Variants in PCDHGA6 observed in about 807,000 individuals in gnomAD.
PCDHGA6 encodes protocadherin gamma subfamily A, 6.
Under a neutral mutation model 60.6 loss-of-function variants are expected in PCDHGA6, and 41 were observed. The observed-to-expected ratio is 0.68, with a 90% CI of 0.53 to 0.88. The LOEUF (loss-of-function observed/expected upper bound fraction) is 0.88, where lower values mean the gene tolerates loss of function less well. PCDHGA6 is among the 40% of genes least tolerant of loss of function. The pLI, the probability that PCDHGA6 is intolerant of heterozygous loss-of-function variation, is 0.00. For synonymous variants in PCDHGA6, 594 were observed against 524.4 expected (o/e 1.13, Z -1.81); for missense variants, 1,312 against 1,203.0 (o/e 1.09, Z -1.34).
chr5:141,449,165 G>A (rs144669334), intron 1 of PCDHGA6, among the ~76,000 whole-genome samples: 3 of 152,234 alleles, frequency 2.0e-5, no homozygotes, highest in Admixed American at 1.3e-4. Context: ...GGAAATAGGT[G>A]TAATTTTCTT....
At chr5:141,450,817 A>T (rs1302552522) in intron 1 of PCDHGA6, among the ~76,000 whole-genome samples, 1 of 137,468 alleles carries the variant, frequency 7.3e-6, no homozygotes, top group Non-Finnish European at 1.5e-5. Context: ...TTTATTTAAT[A>T]TTATTATTAT....
intron 1 of PCDHGA6, chr5:141,415,493 T>C (rs1312874620): frequency 6.2e-7 from 1 of 1,614,108 alleles, no homozygotes; most frequent in Non-Finnish European, 8.5e-7. Context: ...AGTCACCTGA[T>C]CTTCCCCCAG....
At chr5:141,418,899 T>C (rs1320380997) in intron 1 of PCDHGA6, 1 of 1,613,944 alleles carries the variant, frequency 6.2e-7, no homozygotes. Flanking sequence ...AGCCCAGAAA[T>C]AATCATCACG....
At chr5:141,405,649 T>C (rs954605890) in intron 1 of PCDHGA6, 14 of 527,576 alleles carry the variant, frequency 2.7e-5, no homozygotes, top group Non-Finnish European at 6.7e-6. Flanking sequence ...TAATTTTTTG[T>C]GTGTTTTTAG....
intron 1 of PCDHGA6, among the ~76,000 whole-genome samples, chr5:141,492,670 C>T (rs567661944): frequency 6.6e-6 from 1 of 152,344 alleles, no homozygotes; most frequent in South Asian, 2.1e-4. Context: ...CCCGGGACTC[C>T]GTCTCAAGGG....
intron 1 of PCDHGA6, chr5:141,397,962 A>G (rs968992832): frequency 2.0e-5 from 21 of 1,036,912 alleles, no homozygotes; most frequent in Non-Finnish European, 2.8e-5. Flanking sequence ...CCCAGCTCAG[A>G]CTCCCCAGCG....
Position 141,395,079 on chromosome 5 carries a change from G to A in PCDHGA6, c.2424+18572G>A, listed in dbSNP as rs777930721. On this transcript the variant is annotated intron_variant, in intron 1 of 3. Coordinates refer to ENST00000517434, the MANE Select transcript of PCDHGA6 (RefSeq NM_018919.3). ...GGCTTTCCTGCAGACCTATTCCCAG[G>A]AAGTCTCCCTCACCGCCGACTCGCG... 4.0e-5 allele frequency: 65 copies of A among 1,614,024 alleles called. 1 individual carries two copies. In the Middle Eastern group the frequency reaches 6.6e-4, roughly 16 times the overall value.
chr5:141,427,883 C>G (rs2097084423), intron 1 of PCDHGA6: 3 of 1,563,818 alleles, frequency 1.9e-6, no homozygotes, highest in Non-Finnish European at 1.7e-6. Flanking sequence ...TGCAGGCCCA[C>G]GACCAGGGCT....
At chr5:141,433,208 C>T (rs780155661) in intron 1 of PCDHGA6, 90 of 1,293,816 alleles carry the variant, frequency 7.0e-5, no homozygotes, top group Middle Eastern at 5.9e-4. Flanking sequence ...AATCTTCTTT[C>T]TTTTTTTTTT....
intron 1 of PCDHGA6, chr5:141,420,156 AT>A (rs755916873): frequency 6.2e-7 from 1 of 1,613,990 alleles, no homozygotes; most frequent in African/African-American, 1.3e-5. Flanking sequence ...CCAGAATTTA[AT>A]TTTTTCACAT....
intron 1 of PCDHGA6, chr5:141,377,510 T>C (rs990813838): frequency 6.6e-6 from 1 of 152,006 alleles, no homozygotes; most frequent in African/African-American, 2.4e-5. Context: ...ATAGGAGGAT[T>C]GCTTAAGTCC....
At position 141,431,513 on chromosome 5, in the gene PCDHGA6, C is replaced by A. The variant is rs1468442248; in HGVS notation, c.2424+55006C>A. ...TCAGCCCGAGTACCGCGCGAGCGTT[C>A]CGGAGAATCTGGCCTTGGGCACGCA... is the stretch of plus-strand genomic sequence containing the variant. On this transcript the variant is annotated intron_variant, in intron 1 of 3. Transcript: ENST00000517434. The surrounding 1 kb of genome is among the most constrained non-coding windows in gnomAD (Gnocchi z 4.8). 1 of 1,614,022 alleles carries A rather than the reference C, an allele frequency of 6.2e-7. No individual in the cohort carries two copies. The highest frequency in any genetic ancestry group is 1.7e-5 in the Admixed American group (1 of 60,032).
intron 2 of PCDHGA6, among the ~76,000 whole-genome samples, chr5:141,501,166 C>T (rs1443045812): frequency 6.6e-6 from 1 of 152,154 alleles, no homozygotes; most frequent in African/African-American, 2.4e-5. Flanking sequence ...CATCCCCAGC[C>T]TCATTTACAT....
intron 1 of PCDHGA6, among the ~76,000 whole-genome samples, chr5:141,465,907 G>C (rs1367648934): frequency 6.6e-6 from 1 of 152,056 alleles, no homozygotes; most frequent in East Asian, 1.9e-4. Flanking sequence ...CAAATCACGA[G>C]GTCAGGATTT....
At chr5:141,413,034 G>C in intron 1 of PCDHGA6, 1 of 783,270 alleles carries the variant, frequency 1.3e-6, no homozygotes, top group East Asian at 2.8e-5. Context: ...CAAACCGGCT[G>C]CTGGGCTGCA....
In PCDHGA6 at chr5:141,489,116, C is replaced by A; in HGVS notation, c.2425-5691C>A. Reference sequence around the variant, plus strand: ...TAAGAACTGCTGCAAGCAGGCAAACCTCCGAGCAGTTTTTAAGAGGCTGGA... The same window carrying A: ...TAAGAACTGCTGCAAGCAGGCAAACATCCGAGCAGTTTTTAAGAGGCTGGA... On this transcript the variant is annotated intron_variant, in intron 1 of 3. Transcript: ENST00000517434. The surrounding 1 kb of genome is among the most constrained non-coding windows in gnomAD (Gnocchi z 4.5). 3.7e-6 allele frequency: 2 copies of A among 536,398 alleles called. No homozygotes were observed. The highest frequency in any genetic ancestry group is 6.2e-6 in the Non-Finnish European group (2 of 322,530). 33.2% of individuals were successfully genotyped at this position (536,398 alleles called of 1,614,324 possible).
At chr5:141,419,674 C>A (rs372932653) in intron 1 of PCDHGA6, 1 of 1,612,938 alleles carries the variant, frequency 6.2e-7, no homozygotes, top group Non-Finnish European at 8.5e-7. Flanking sequence ...CCTGGCTGTC[C>A]TACCACGTGG....
At chr5:141,437,652 A>T (rs899628392) in intron 1 of PCDHGA6, among the ~76,000 whole-genome samples, 1 of 152,196 alleles carries the variant, frequency 6.6e-6, no homozygotes, top group African/African-American at 2.4e-5. Context: ...AAGCAAACAC[A>T]TAGTTTCGAA....
intron 2 of PCDHGA6, 149 bp from the exon 3 acceptor site, chr5:141,505,244 T>C (rs886952348): frequency 7.0e-7 from 1 of 1,428,216 alleles, no homozygotes; most frequent in Non-Finnish European, 9.4e-7. Context: ...TGAAGGATTG[T>C]AGAAGTGCCT....
Sources: gnomAD v4.1 joint callset for allele counts (sites outside exome capture counted in the v4.1 genomes callset) on GRCh38, gnomAD v4.1.1 for gene constraint, Gnocchi (gnomAD v3.1) non-coding constraint, MANE v1.5 for transcripts, NCBI Gene and HGNC (gene_info 2026-07-23, HGNC 2026-07-21) for gene names.